The following QTMAN variants were observed in gnomAD, a reference collection of about 807,000 sequenced individuals.
QTMAN encodes tRNA-queuosine alpha-mannosyltransferase.
At chr2:144,196,213 CCACACACACA>C in the QTMAN span, among the ~76,000 whole-genome samples, 36 of 142,528 alleles carry the variant, frequency 2.5e-4, no homozygotes, top group Admixed American at 1.1e-3. Flanking sequence ...GCACACATAG[CCACACACACA>C]CACACACACA....
At chr2:144,134,087 C>G in the QTMAN span, among the ~76,000 whole-genome samples, 2 of 152,138 alleles carry the variant, frequency 1.3e-5, no homozygotes, top group Non-Finnish European at 2.9e-5. Context: ...AAAAAGTTTT[C>G]CGTGGGGAGC....
At chr2:144,039,665 TATC>T in the QTMAN span, among the ~76,000 whole-genome samples, 2 of 152,152 alleles carry the variant, frequency 1.3e-5, no homozygotes, top group Non-Finnish European at 2.9e-5. Flanking sequence ...ATCGCTTTGA[TATC>T]ATCTCACATA....
At chr2:144,114,552 G>A in the QTMAN span, among the ~76,000 whole-genome samples, 1 of 152,148 alleles carries the variant, frequency 6.6e-6, no homozygotes, top group Middle Eastern at 3.2e-3. Context: ...ATGCCCTTGA[G>A]TATAATAATT....
At chr2:144,167,641 CCT>C in the QTMAN span, among the ~76,000 whole-genome samples, 1 of 151,960 alleles carries the variant, frequency 6.6e-6, no homozygotes, top group Non-Finnish European at 1.5e-5. Flanking sequence ...TTCCTGCCGC[CCT>C]GTGAAGAAGG....
chr2:144,040,971 T>C, the QTMAN span, among the ~76,000 whole-genome samples: 1 of 152,228 alleles, frequency 6.6e-6, no homozygotes, highest in Non-Finnish European at 1.5e-5. Context: ...ATTGAAAATA[T>C]TTTAGTATAT....
At chr2:143,991,604 T>G in the QTMAN span, among the ~76,000 whole-genome samples, 3 of 122,410 alleles carry the variant, frequency 2.5e-5, no homozygotes, top group Admixed American at 8.4e-5. Context: ...GTCCGGGAGG[T>G]GAGGGGCGCC....
At chr2:144,226,764 A>G in the QTMAN span, among the ~76,000 whole-genome samples, 1 of 152,182 alleles carries the variant, frequency 6.6e-6, no homozygotes, top group African/African-American at 2.4e-5. Flanking sequence ...TATGGGAGAT[A>G]GTAGACAGTT....
the QTMAN span, among the ~76,000 whole-genome samples, chr2:144,100,095 G>A: frequency 6.6e-6 from 1 of 152,142 alleles, no homozygotes; most frequent in Non-Finnish European, 1.5e-5. Context: ...TGCTGATGAC[G>A]CTAATGCTCC....
the QTMAN span, among the ~76,000 whole-genome samples, chr2:144,287,290 C>T: frequency 6.6e-6 from 1 of 152,078 alleles, no homozygotes; most frequent in Non-Finnish European, 1.5e-5. Flanking sequence ...CAAAAATTAG[C>T]TGGGCGTGGT....
chr2:144,083,653 C>A, the QTMAN span, among the ~76,000 whole-genome samples: 2 of 152,132 alleles, frequency 1.3e-5, no homozygotes, highest in Non-Finnish European at 2.9e-5. Context: ...GAGCTACCAA[C>A]AATATAATAA....
At chr2:143,954,152 A>G in the QTMAN span, among the ~76,000 whole-genome samples, 1 of 151,990 alleles carries the variant, frequency 6.6e-6, no homozygotes, top group African/African-American at 2.4e-5. Flanking sequence ...AAGCACAGCT[A>G]TAAACTACAC....
At chr2:144,142,120 C>G in the QTMAN span, 1 of 1,110,184 alleles carries the variant, frequency 9.0e-7, no homozygotes, top group South Asian at 1.4e-5. Flanking sequence ...TTTTATCAAC[C>G]TAAGACCTCT....
chr2:143,974,089 T>C, the QTMAN span, among the ~76,000 whole-genome samples: 1 of 152,190 alleles, frequency 6.6e-6, no homozygotes, highest in Admixed American at 6.5e-5. Context: ...ATTAAATACA[T>C]AGAATGTAGG....
chr2:143,981,917 A>G, the QTMAN span, among the ~76,000 whole-genome samples: 1 of 152,164 alleles, frequency 6.6e-6, no homozygotes, highest in Admixed American at 6.5e-5. Flanking sequence ...ATAAATCTCT[A>G]TTACTCTACT....
At chr2:144,144,592 CTTTT>C in the QTMAN span, among the ~76,000 whole-genome samples, 1 of 151,780 alleles carries the variant, frequency 6.6e-6, no homozygotes, top group Non-Finnish European at 1.5e-5. Flanking sequence ...AAAACGGCTG[CTTTT>C]TTTATGAGAC....
At chr2:144,154,069 C>T in the QTMAN span, among the ~76,000 whole-genome samples, 35 of 152,244 alleles carry the variant, frequency 2.3e-4, no homozygotes, top group Admixed American at 2.2e-3. Context: ...TAGTATGTGA[C>T]TCAGTGTTTT....
At chr2:144,184,601 T>C in the QTMAN span, among the ~76,000 whole-genome samples, 1 of 152,168 alleles carries the variant, frequency 6.6e-6, no homozygotes, top group Non-Finnish European at 1.5e-5. Context: ...CTTTTCCTTT[T>C]TGGAAATGAT....
chr2:144,038,833 T>A, the QTMAN span, among the ~76,000 whole-genome samples: 2 of 152,202 alleles, frequency 1.3e-5, no homozygotes, highest in East Asian at 3.9e-4. Flanking sequence ...TTTTAAGTTA[T>A]TTTATGAAGA....
At chr2:143,966,293 A>C in the QTMAN span, among the ~76,000 whole-genome samples, 1 of 152,230 alleles carries the variant, frequency 6.6e-6, no homozygotes, top group African/African-American at 2.4e-5. Context: ...AGACTACATA[A>C]GGCAATGCAT....
Sources: gnomAD v4.1 joint callset for allele counts (sites outside exome capture counted in the v4.1 genomes callset) on GRCh38, gnomAD v4.1.1 for gene constraint, MANE v1.5 for transcripts, NCBI Gene and HGNC (gene_info 2026-07-23, HGNC 2026-07-21) for gene names.